Variants in LINGO2 observed in about 807,000 individuals in gnomAD.
LINGO2 encodes the protein leucine rich repeat and Ig domain containing 2.
LINGO2 carries 14 observed loss-of-function variants against 30.6 expected under a neutral mutation model. The observed-to-expected ratio is 0.46, with a 90% CI of 0.30 to 0.72. The LOEUF is 0.72. LINGO2 is among the 30% of genes least tolerant of loss of function. LINGO2 has a pLI of 0.07. For missense variants in LINGO2, 729 were observed against 751.7 expected (o/e 0.97, Z 0.35); for synonymous variants, 317 against 288.5 (o/e 1.10, Z -1.00).
chr9:29,139,553 A>C, the LINGO2 span, among the ~76,000 whole-genome samples: 1 of 152,184 alleles, frequency 6.6e-6, no homozygotes, highest in Non-Finnish European at 1.5e-5. Context: ...TACTGTTGTT[A>C]CCCAATGAAG....
At chr9:28,232,214 C>T (rs773157069) in intron 4 of LINGO2, among the ~76,000 whole-genome samples, 1 of 151,898 alleles carries the variant, frequency 6.6e-6, no homozygotes, top group Non-Finnish European at 1.5e-5. Context: ...GTCTGGCCAT[C>T]ATGATGAAAC....
chr9:28,876,730 T>A, the LINGO2 span, among the ~76,000 whole-genome samples: 1 of 152,292 alleles, frequency 6.6e-6, no homozygotes, highest in South Asian at 2.1e-4. Flanking sequence ...GGTGTCTTTA[T>A]AGCAGCATGA....
intron 1 of LINGO2, among the ~76,000 whole-genome samples, chr9:28,610,967 TA>T (rs1356673375): frequency 5.3e-5 from 8 of 152,166 alleles, no homozygotes; most frequent in African/African-American, 1.9e-4. Flanking sequence ...CCATTATCCT[TA>T]ATTACCAAAA....
intron 3 of LINGO2, among the ~76,000 whole-genome samples, chr9:28,333,494 T>C (rs1329579882): frequency 6.6e-6 from 1 of 152,168 alleles, no homozygotes; most frequent in African/African-American, 2.4e-5. Context: ...CAATGGTAAC[T>C]TGATGGAGCT....
the LINGO2 span, among the ~76,000 whole-genome samples, chr9:29,190,646 G>T: frequency 1.1e-4 from 16 of 151,990 alleles, no homozygotes; most frequent in African/African-American, 3.9e-4. Flanking sequence ...ACAATTCAAA[G>T]AAAAGTATAA....
At chr9:28,726,608 T>G in the LINGO2 span, among the ~76,000 whole-genome samples, 1 of 152,176 alleles carries the variant, frequency 6.6e-6, no homozygotes, top group Non-Finnish European at 1.5e-5. Flanking sequence ...CTTAGGTGAT[T>G]TTTATAAAAA....
At chr9:28,546,616 G>T (rs895340557) in intron 1 of LINGO2, among the ~76,000 whole-genome samples, 5 of 152,040 alleles carry the variant, frequency 3.3e-5, no homozygotes, top group African/African-American at 9.7e-5. Flanking sequence ...GGTGGAAAAA[G>T]GTTAAAGTAA....
the LINGO2 span, among the ~76,000 whole-genome samples, chr9:29,005,848 T>A: frequency 6.6e-6 from 1 of 152,048 alleles, no homozygotes; most frequent in Non-Finnish European, 1.5e-5. Context: ...TAGGTGTTAT[T>A]CTGCATTGGT....
At chr9:28,201,560 G>A (rs527427314) in intron 4 of LINGO2, among the ~76,000 whole-genome samples, 1 of 150,984 alleles carries the variant, frequency 6.6e-6, no homozygotes, top group Admixed American at 6.6e-5. Context: ...TGTCTTTATA[G>A]CAGCAAGATT....
chr9:28,117,317 T>A (rs1304790473), intron 4 of LINGO2, among the ~76,000 whole-genome samples: 1 of 147,114 alleles, frequency 6.8e-6, no homozygotes, highest in Non-Finnish European at 1.5e-5. Context: ...TCTTCAAAGC[T>A]GTCAGACAGG....
At chr9:29,025,582 A>G in the LINGO2 span, among the ~76,000 whole-genome samples, 2 of 152,108 alleles carry the variant, frequency 1.3e-5, no homozygotes, top group Admixed American at 6.6e-5. Flanking sequence ...TATTCACTCT[A>G]TACTGTATGA....
In LINGO2 at chr9:28,593,431, A is replaced by G. The variant is rs867925328; in HGVS notation, c.-365+76769T>C. On this transcript the variant is annotated intron_variant, in intron 1 of 5. Transcript: ENST00000379992. ...CCCAGGTCATGATGAACTGTTAATC[A>G]CCCACTCTTACTCACTTCCAGTGAT... Among the ~76,000 whole-genome samples, 17 of 152,042 alleles carry G rather than the reference A, an allele frequency of 1.1e-4. No homozygotes were observed. In the Middle Eastern group the frequency reaches 0.014, roughly 122 times the overall value.
At chr9:28,237,117 C>CGGGGG (rs35883848) in intron 4 of LINGO2, among the ~76,000 whole-genome samples, 2 of 112,848 alleles carry the variant, frequency 1.8e-5, no homozygotes, top group African/African-American at 7.1e-5. Flanking sequence ...TTAAACAGTG[C>CGGGGG]GGGGGGGGGG....
chr9:28,177,511 T>C (rs1828781481), intron 4 of LINGO2, among the ~76,000 whole-genome samples: 2 of 152,150 alleles, frequency 1.3e-5, no homozygotes, highest in South Asian at 2.1e-4. Context: ...CTGATCCCCA[T>C]TATGTTCCCC....
chr9:29,110,344 G>GT, the LINGO2 span, among the ~76,000 whole-genome samples: 4 of 152,078 alleles, frequency 2.6e-5, no homozygotes, highest in African/African-American at 9.7e-5. Context: ...TTGTTTGTTT[G>GT]TTTTTTGAGA....
chr9:28,985,003 CT>C, the LINGO2 span, among the ~76,000 whole-genome samples: 1 of 152,068 alleles, frequency 6.6e-6, no homozygotes, highest in African/African-American at 2.4e-5. Flanking sequence ...CTTTTGTACC[CT>C]TTGACCATTA....
chr9:28,714,198 C>CACACAT, the LINGO2 span, among the ~76,000 whole-genome samples: 5,942 of 60,712 alleles, frequency 0.098, 240 homozygotes, highest in East Asian at 0.17. Flanking sequence ...TACACACATA[C>CACACAT]ACACACACAC....
chr9:28,483,115 A>C (rs1387695540), intron 1 of LINGO2, among the ~76,000 whole-genome samples: 1 of 152,130 alleles, frequency 6.6e-6, no homozygotes. Flanking sequence ...CATTTCAGCT[A>C]TACAAGTTCA....
At chr9:28,248,103 G>A (rs1443273368) in intron 4 of LINGO2, among the ~76,000 whole-genome samples, 1 of 152,082 alleles carries the variant, frequency 6.6e-6, no homozygotes, top group Non-Finnish European at 1.5e-5. Context: ...TCTCACTTTC[G>A]GGTATGTATC....
Sources: allele counts gnomAD v4.1 joint callset (sites outside exome capture counted in the v4.1 genomes callset), GRCh38; gene constraint gnomAD v4.1.1; transcripts MANE v1.5; gene names NCBI Gene and HGNC (gene_info 2026-07-23, HGNC 2026-07-21).